The following SAMD13 variants were observed in gnomAD, a reference collection of about 807,000 sequenced individuals.
The protein encoded by SAMD13 is sterile alpha motif domain containing 13.
SAMD13 carries 9 observed loss-of-function variants against 12.4 expected under a neutral mutation model. The ratio of observed to expected loss-of-function variants is 0.72; its 90% CI spans 0.44 to 1.26. The LOEUF (loss-of-function observed/expected upper bound fraction) is 1.26. Ranked by LOEUF, SAMD13 falls within the 50% of genes most tolerant of loss-of-function variation. The probability of loss-of-function intolerance (pLI) is 0.00; values close to 1 mark genes in which losing one functional copy is unlikely to be tolerated. For missense variants in SAMD13, 84 were observed against 119.6 expected (o/e 0.70, Z 1.39); for synonymous variants, 46 against 45.4 (o/e 1.01, Z -0.05).
At chr1:84,341,816 T>C (rs1338042993) in intron 3 of SAMD13, among the ~76,000 whole-genome samples, 5 of 152,114 alleles carry the variant, frequency 3.3e-5, no homozygotes, top group East Asian at 1.9e-4. Context: ...GATGACATGA[T>C]AAGAAGAGGT....
intron 3 of SAMD13, among the ~76,000 whole-genome samples, chr1:84,339,249 G>T (rs569359706): frequency 6.6e-6 from 1 of 151,806 alleles, no homozygotes; most frequent in Non-Finnish European, 1.5e-5. Flanking sequence ...TATTGCACTA[G>T]GTTTTTTTGT....
intron 2 of SAMD13, among the ~76,000 whole-genome samples, chr1:84,313,874 CT>C (rs912751945): frequency 5.3e-5 from 8 of 152,008 alleles, no homozygotes; most frequent in African/African-American, 1.2e-4. Context: ...TAATGTGATG[CT>C]TTTTTTTCTT....
intron 2 of SAMD13, among the ~76,000 whole-genome samples, chr1:84,313,542 T>C (rs966721744): frequency 6.6e-6 from 1 of 152,168 alleles, no homozygotes; most frequent in African/African-American, 2.4e-5. Flanking sequence ...TCCCCCTATT[T>C]CATTTTATCC....
intron 1 of SAMD13, 95 bp from the exon 2 acceptor site, chr1:84,303,108 G>T (rs1163325938): frequency 8.0e-6 from 7 of 874,374 alleles, no homozygotes; most frequent in Non-Finnish European, 1.3e-5. Context: ...CTGGTGTGAA[G>T]CTGTAAAAGG....
chr1:84,330,944 A>G (rs546361958), intron 3 of SAMD13, among the ~76,000 whole-genome samples: 1 of 152,020 alleles, frequency 6.6e-6, no homozygotes, highest in Non-Finnish European at 1.5e-5. Flanking sequence ...TTATCTCTTC[A>G]TTTTTCTCAA....
intron 2 of SAMD13, among the ~76,000 whole-genome samples, chr1:84,316,777 G>A (rs1678844579): frequency 1.3e-5 from 2 of 151,966 alleles, no homozygotes; most frequent in African/African-American, 4.8e-5. Flanking sequence ...GATGGGGATT[G>A]CATTGAATCT....
intron 2 of SAMD13, among the ~76,000 whole-genome samples, chr1:84,308,697 AG>A (rs1678640736): frequency 6.6e-6 from 1 of 152,232 alleles, no homozygotes; most frequent in Non-Finnish European, 1.5e-5. Context: ...AGAAGAAGAG[AG>A]GTAAAATATT....
intron 1 of SAMD13, chr1:84,302,949 G>A (rs1246632649): frequency 3.0e-6 from 1 of 328,248 alleles, no homozygotes; most frequent in Non-Finnish European, 5.8e-6. Context: ...TTTCAACGAG[G>A]ATTCAATTTC....
intron 1 of SAMD13, chr1:84,302,660 G>A (rs529112444): frequency 1.6e-5 from 16 of 986,192 alleles, no homozygotes; most frequent in African/African-American, 1.6e-4. Context: ...TCTCACAGAC[G>A]GGTTTTTGAG....
intron 3 of SAMD13, among the ~76,000 whole-genome samples, chr1:84,328,206 G>A (rs1267815063): frequency 6.6e-6 from 1 of 152,138 alleles, no homozygotes; most frequent in African/African-American, 2.4e-5. Flanking sequence ...TGCCAGCTCT[G>A]AGCCTGGCCC....
intron 2 of SAMD13, among the ~76,000 whole-genome samples, chr1:84,307,745 G>A (rs183101176): frequency 1.4e-4 from 22 of 152,192 alleles, no homozygotes; most frequent in Non-Finnish European, 2.6e-4. Context: ...GAACAGAGCC[G>A]CATTTAGACT....
At chr1:84,326,157 G>A (rs1413083419) in intron 3 of SAMD13, among the ~76,000 whole-genome samples, 1 of 152,100 alleles carries the variant, frequency 6.6e-6, no homozygotes, top group Non-Finnish European at 1.5e-5. Context: ...GCACCCAATG[G>A]ACTATTAAGC....
intron 3 of SAMD13, among the ~76,000 whole-genome samples, chr1:84,341,717 TA>T (rs1219941430): frequency 2.0e-5 from 3 of 151,808 alleles, no homozygotes; most frequent in South Asian, 2.1e-4. Context: ...GGAGTTGACA[TA>T]AAAAAAATGG....
In SAMD13 at chr1:84,314,667, G is replaced by A. The variant is rs531194623; in HGVS notation, c.54-10970G>A. 5.3e-5 allele frequency among the ~76,000 whole-genome samples: 8 copies of A among 152,180 alleles called. No homozygotes were observed. The East Asian group carries it at 1.5e-3, about 29-fold the overall frequency. ...GAATGCTCTTCTTCCCAAAAAAACA[G>A]CAATGTGGAAAGGGGTGGGAGGGGG... On this transcript the variant is annotated intron_variant, in intron 2 of 3. Transcript: ENST00000394834.
intron 3 of SAMD13, among the ~76,000 whole-genome samples, chr1:84,331,810 T>G (rs1347590716): frequency 6.6e-6 from 1 of 151,844 alleles, no homozygotes; most frequent in Non-Finnish European, 1.5e-5. Context: ...GTCACGGGGG[T>G]TTGAGGTACA....
In SAMD13 at chr1:84,303,219, A is replaced by G. The variant is rs1678489251; in HGVS notation, c.-16A>G. The G allele has an allele frequency of 1.9e-6, 3 of 1,612,634 alleles. No individual in the cohort carries two copies. The highest frequency in any genetic ancestry group is 2.5e-6 in the Non-Finnish European group (3 of 1,178,968). Reference sequence around the variant, plus strand: ...ATTGATTAGTTGCTGAAGTAAAGGAACCCTGCAGCCTTCCCATGCTATCTG... The same window carrying G: ...ATTGATTAGTTGCTGAAGTAAAGGAGCCCTGCAGCCTTCCCATGCTATCTG... On this transcript the variant is annotated 5_prime_UTR_variant, in exon 2 of 4. Transcript: ENST00000394834.
At chr1:84,309,717 G>A (rs1678666446) in intron 2 of SAMD13, among the ~76,000 whole-genome samples, 1 of 152,030 alleles carries the variant, frequency 6.6e-6, no homozygotes, top group Non-Finnish European at 1.5e-5. Flanking sequence ...AATAAGAAAA[G>A]CACAAACAGA....
chr1:84,303,456 T>C (rs1353267762), intron 2 of SAMD13, 169 bp downstream of exon 2: 2 of 519,722 alleles, frequency 3.8e-6, no homozygotes, highest in Admixed American at 3.2e-5. Context: ...TACCTTTTTC[T>C]GTATTGCATT....
intron 2 of SAMD13, among the ~76,000 whole-genome samples, chr1:84,305,076 T>TTAACTTTTTAAGAAA (rs1553199747): frequency 2.0e-5 from 3 of 152,206 alleles, no homozygotes; most frequent in Admixed American, 2.0e-4. Context: ...GGGTGTCTGT[T>TTAACTTTTTAAGAAA]TAACTTTTTA....
Sources: gnomAD v4.1 joint callset for allele counts (sites outside exome capture counted in the v4.1 genomes callset) on GRCh38, gnomAD v4.1.1 for gene constraint, MANE v1.5 for transcripts, NCBI Gene and HGNC (gene_info 2026-07-23, HGNC 2026-07-21) for gene names.